TLL2: variants seen among roughly 807,000 people sequenced by gnomAD.
TLL2 encodes tolloid like 2.
Under a neutral mutation model 123.0 loss-of-function variants are expected in TLL2, and 106 were observed. That is an observed-to-expected ratio of 0.86 (90% CI 0.74 to 1.01). The LOEUF is 1.01. TLL2 is among the 50% of genes least tolerant of loss of function. TLL2 has a pLI of 0.00. For synonymous variants in TLL2, 494 were observed against 516.8 expected, an observed-to-expected ratio of 0.96 and a Z score of 0.60; for missense variants, 1,332 against 1,336.7, an observed-to-expected ratio of 1.00 and a Z score of 0.06.
chr10:96,491,558 A>G (rs763099036), intron 1 of TLL2, among the ~76,000 whole-genome samples: 12 of 152,222 alleles, frequency 7.9e-5, no homozygotes, highest in Non-Finnish European at 1.6e-4. Flanking sequence ...GGAATAGATT[A>G]TGAAGTGCAA....
chr10:96,410,523 G>A lies in TLL2; in HGVS notation c.1049-49C>T, dbSNP rs775836459. 57 of 1,461,856 alleles carry A rather than the reference G, an allele frequency of 3.9e-5. No homozygotes were observed. In the East Asian group the frequency reaches 8.0e-4, roughly 20 times the overall value. The allele number at this position is 1,461,856 out of a possible 1,614,324, so 90.6% of individuals were successfully genotyped here. A position where few individuals can be genotyped will look rare whatever the true frequency, so the allele number is the denominator to read the frequency against. ...TGATGTGGCATATGCACCTCTCCCC[G>A]CCCAAGCAGCTCCCGCACGGGGCAG... On this transcript the variant is annotated intron_variant, in intron 8 of 20. Coordinates refer to ENST00000357947, the MANE Select transcript of TLL2 (RefSeq NM_012465.4).
chr10:96,423,073 A>G (rs1425032840), intron 5 of TLL2, among the ~76,000 whole-genome samples: 1 of 150,594 alleles, frequency 6.6e-6, no homozygotes, highest in Non-Finnish European at 1.5e-5. Context: ...GGTTGCAGTG[A>G]GCCAAGATCA....
At chr10:96,439,799 A>G (rs1210471943) in intron 3 of TLL2, among the ~76,000 whole-genome samples, 1 of 152,224 alleles carries the variant, frequency 6.6e-6, no homozygotes. Flanking sequence ...AACAGAAGTC[A>G]TACACTTGCA....
At chr10:96,500,115 A>AAG (rs1554941766) in intron 1 of TLL2, among the ~76,000 whole-genome samples, 11 of 141,396 alleles carry the variant, frequency 7.8e-5, no homozygotes, top group Admixed American at 2.9e-4. Flanking sequence ...AAAAAAAAAA[A>AAG]AAAAAGAAAA....
rs1271768326 is a variant in TLL2, at chr10:96,367,130, C to T, written c.*958G>A. On this transcript the variant is annotated 3_prime_UTR_variant, in exon 21 of 21. Transcript: ENST00000357947. ...TAACCAGTCTTCAACAGTGTTCACC[C>T]CATAAGGGACCTGAATTGGTCCCTC... 1.3e-5 allele frequency: 2 copies of T among 152,250 alleles called. No homozygotes were observed. The highest frequency in any genetic ancestry group is 4.8e-5 in the African/African-American group (2 of 41,468). The allele number at this position is 152,250 out of a possible 1,614,324, so 9.4% of individuals were successfully genotyped here. A position where few individuals can be genotyped will look rare whatever the true frequency, so the allele number is the denominator to read the frequency against.
chr10:96,433,463 C>T (rs1156835266), intron 3 of TLL2, among the ~76,000 whole-genome samples: 1 of 151,994 alleles, frequency 6.6e-6, no homozygotes, highest in Non-Finnish European at 1.5e-5. Flanking sequence ...CTCATAAAAC[C>T]CCCAACTCTT....
intron 1 of TLL2, among the ~76,000 whole-genome samples, chr10:96,507,634 TA>T (rs1179374531): frequency 6.6e-6 from 1 of 152,216 alleles, no homozygotes; most frequent in Non-Finnish European, 1.5e-5. Context: ...TTGTATTATT[TA>T]ATCCTTATAG....
At chr10:96,386,350 T>A in intron 14 of TLL2, 135 bp from the exon 15 acceptor site, 1 of 918,706 alleles carries the variant, frequency 1.1e-6, no homozygotes. Context: ...ATTAATTCAG[T>A]GTCCTTTGTT....
intron 2 of TLL2, among the ~76,000 whole-genome samples, chr10:96,448,333 T>A (rs1846919796): frequency 1.3e-5 from 2 of 152,118 alleles, no homozygotes; most frequent in African/African-American, 4.8e-5. Context: ...TGGTATGAAA[T>A]CTCTCAGCAG....
rs146100438 is a variant in TLL2, at chr10:96,416,272, G to A, written c.924-2956C>T. 1.5e-3 allele frequency among the ~76,000 whole-genome samples: 224 copies of A among 152,302 alleles called. 1 individual carries two copies. Among genetic ancestry groups the A allele is most frequent in the Middle Eastern group, 0.01 (3 of 294 alleles). On this transcript the variant is annotated intron_variant, in intron 7 of 20. Coordinates refer to ENST00000357947, the MANE Select transcript of TLL2 (RefSeq NM_012465.4). The stretch of plus-strand genomic sequence containing the variant: ...ATCACACAGTCTATAAGCACCCCAC[G>A]CTACCTGGCCACATCACGTAGATGA...
intron 1 of TLL2, 93 bp downstream of exon 1, chr10:96,513,418 C>T (rs921289287): frequency 2.0e-6 from 3 of 1,525,612 alleles, no homozygotes; most frequent in African/African-American, 1.4e-5. Context: ...GGAGGGGAGA[C>T]CCGCCCCATA....
At chr10:96,510,192 A>G (rs1176335294) in intron 1 of TLL2, among the ~76,000 whole-genome samples, 1 of 152,194 alleles carries the variant, frequency 6.6e-6, no homozygotes, top group Non-Finnish European at 1.5e-5. Context: ...AGGCAGGAAC[A>G]GTCCTCCCAA....
chr10:96,403,938 C>A (rs1178301378), intron 10 of TLL2, among the ~76,000 whole-genome samples: 1 of 151,478 alleles, frequency 6.6e-6, no homozygotes, highest in African/African-American at 2.4e-5. Flanking sequence ...ATAAATCTGG[C>A]CTACGTGCAC....
chr10:96,474,381 A>G (rs541330773), intron 2 of TLL2, among the ~76,000 whole-genome samples: 2 of 152,338 alleles, frequency 1.3e-5, no homozygotes, highest in South Asian at 4.1e-4. Context: ...GCTGGGAGGC[A>G]TGCAGAGCAA....
chr10:96,476,241 T>TCTATATATATATATATATATA (rs1554939631), intron 2 of TLL2, among the ~76,000 whole-genome samples: 1 of 72,410 alleles, frequency 1.4e-5, no homozygotes, highest in Non-Finnish European at 2.7e-5. Context: ...TATATATATA[T>TCTATATATATATATATATATA]TTTATTTTTG....
chr10:96,410,645 A>G (rs1846492796), intron 8 of TLL2, 171 bp from the exon 9 acceptor site: 1 of 690,914 alleles, frequency 1.4e-6, no homozygotes, highest in South Asian at 1.5e-5. Context: ...CAAAAGCACA[A>G]GTAGGACCTA....
intron 2 of TLL2, 126 bp downstream of exon 2, chr10:96,480,223 T>G: frequency 1.3e-6 from 1 of 774,790 alleles, no homozygotes; most frequent in Non-Finnish European, 2.2e-6. Context: ...ACCCCTCTGA[T>G]TTTCCACAAA....
intron 1 of TLL2, among the ~76,000 whole-genome samples, chr10:96,502,904 G>A (rs1370999752): frequency 6.6e-6 from 1 of 152,186 alleles, no homozygotes; most frequent in Non-Finnish European, 1.5e-5. Flanking sequence ...CCACTCAAGT[G>A]CTCATGCGGG....
intron 16 of TLL2, among the ~76,000 whole-genome samples, chr10:96,381,150 T>A (rs1846183901): frequency 6.6e-6 from 1 of 152,190 alleles, no homozygotes; most frequent in Admixed American, 6.5e-5. Flanking sequence ...GGAGCTGCCC[T>A]GCCTGTGAGG....
Sources: allele counts gnomAD v4.1 joint callset (sites outside exome capture counted in the v4.1 genomes callset), GRCh38; gene constraint gnomAD v4.1.1; transcripts MANE v1.5; gene names NCBI Gene and HGNC (gene_info 2026-07-23, HGNC 2026-07-21).